The following AGBL4 variants were observed in gnomAD, a reference collection of about 807,000 sequenced individuals.
The protein encoded by AGBL4 is cytosolic carboxypeptidase 6.
AGBL4 carries 58 observed loss-of-function variants against 66.4 expected under a neutral mutation model. That is an observed-to-expected ratio of 0.87 (90% CI 0.71 to 1.09). The LOEUF (loss-of-function observed/expected upper bound fraction) is 1.09. Ranked by LOEUF, AGBL4 falls within the 50% of genes least tolerant of loss-of-function variation. AGBL4 has a pLI of 0.00. For synonymous variants in AGBL4, 234 were observed against 222.9 expected (o/e 1.05, Z -0.44); for missense variants, 579 against 631.0 (o/e 0.92, Z 0.88).
intron 3 of AGBL4, among the ~76,000 whole-genome samples, chr1:49,378,761 C>T (rs1169142651): frequency 6.6e-6 from 1 of 152,104 alleles, no homozygotes; most frequent in Non-Finnish European, 1.5e-5. Context: ...AAAGTTTCAG[C>T]CAGGCCAATG....
chr1:48,647,198 G>A (rs554455543), intron 8 of AGBL4, among the ~76,000 whole-genome samples: 13 of 152,180 alleles, frequency 8.5e-5, no homozygotes, highest in Non-Finnish European at 1.2e-4. Flanking sequence ...CTGCAGTTCC[G>A]TGCTATAACG....
chr1:49,675,544 T>C (rs1646562270), intron 3 of AGBL4, among the ~76,000 whole-genome samples: 1 of 152,028 alleles, frequency 6.6e-6, no homozygotes. Flanking sequence ...CATGTACCCC[T>C]TGAATCCATA....
At chr1:48,635,797 T>C (rs993447495) in intron 8 of AGBL4, among the ~76,000 whole-genome samples, 9 of 152,204 alleles carry the variant, frequency 5.9e-5, no homozygotes, top group African/African-American at 1.9e-4. Context: ...GATGCCTAGA[T>C]ACCAACCATT....
At chr1:49,118,200 C>A (rs188490280) in intron 4 of AGBL4, among the ~76,000 whole-genome samples, 32 of 152,262 alleles carry the variant, frequency 2.1e-4, no homozygotes, top group Non-Finnish European at 4.1e-4. Context: ...TAATTGCATA[C>A]CCTTTATTTC....
Position 49,101,279 on chromosome 1 carries a change from C to T in AGBL4, c.378-55479G>A, listed in dbSNP as rs552912641. 1.3e-4 allele frequency among the ~76,000 whole-genome samples: 20 copies of T among 152,166 alleles called. No homozygotes were observed. The South Asian group carries it at 4.0e-3, about 30-fold the overall frequency. On this transcript the variant is annotated intron_variant, in intron 4 of 13. Coordinates refer to ENST00000371839, the MANE Select transcript of AGBL4 (RefSeq NM_032785.4). ...CTTGGCTCACTGCAACCTCCGCCTC[C>T]CAGGTTCAATCTATTCTTGTGTCTC...
At chr1:48,699,904 T>C (rs914264463) in intron 6 of AGBL4, among the ~76,000 whole-genome samples, 1 of 149,648 alleles carries the variant, frequency 6.7e-6, no homozygotes, top group African/African-American at 2.4e-5. Flanking sequence ...ATTTTTATTT[T>C]ATATACATAC....
At chr1:49,185,599 C>T (rs970353639) in intron 4 of AGBL4, among the ~76,000 whole-genome samples, 2 of 152,194 alleles carry the variant, frequency 1.3e-5, no homozygotes, top group Non-Finnish European at 2.9e-5. Flanking sequence ...GAAACTTGGA[C>T]ATATGTTCTT....
intron 3 of AGBL4, among the ~76,000 whole-genome samples, chr1:49,654,027 T>G (rs958322206): frequency 2.0e-5 from 3 of 152,012 alleles, no homozygotes; most frequent in African/African-American, 7.3e-5. Context: ...AATCATCAGA[T>G]TCTCCAAGAT....
chr1:48,813,962 A>T (rs1646117511), intron 6 of AGBL4, among the ~76,000 whole-genome samples: 1 of 152,030 alleles, frequency 6.6e-6, no homozygotes, highest in African/African-American at 2.4e-5. Flanking sequence ...CCTAGGTAAT[A>T]ATAATAATAA....
In AGBL4 at chr1:49,741,297, C is replaced by A. The variant is rs567456026; in HGVS notation, c.158-43860G>T. On this transcript the variant is annotated intron_variant, in intron 2 of 13. Transcript: ENST00000371839. ...CCTCTACGAAAATGAACTAGAAAAT[C>A]TAGAAGAAATGGATAAATTCCTCAA... Among the ~76,000 whole-genome samples the A allele has an allele frequency of 1.1e-4, 16 of 152,258 alleles. No homozygotes were observed. In the South Asian group the frequency reaches 2.7e-3, roughly 26 times the overall value.
At chr1:49,703,761 G>C (rs1647146978) in intron 2 of AGBL4, among the ~76,000 whole-genome samples, 1 of 151,826 alleles carries the variant, frequency 6.6e-6, no homozygotes, top group Admixed American at 6.6e-5. Context: ...TTAGGAAAGA[G>C]GAAATAATAC....
intron 4 of AGBL4, among the ~76,000 whole-genome samples, chr1:49,213,633 G>A (rs968241687): frequency 1.3e-5 from 2 of 152,094 alleles, no homozygotes; most frequent in Non-Finnish European, 2.9e-5. Context: ...GCAGAATTGT[G>A]AGCCAATTAA....
At chr1:49,655,858 T>C (rs1347601121) in intron 3 of AGBL4, among the ~76,000 whole-genome samples, 1 of 152,026 alleles carries the variant, frequency 6.6e-6, no homozygotes, top group Non-Finnish European at 1.5e-5. Context: ...TAAAAAATCA[T>C]AAAGGGGGTG....
At chr1:48,968,417 A>G (rs1022417411) in intron 5 of AGBL4, among the ~76,000 whole-genome samples, 3 of 152,162 alleles carry the variant, frequency 2.0e-5, no homozygotes, top group Non-Finnish European at 4.4e-5. Flanking sequence ...TGTGTGGGGC[A>G]TAGACTGCAG....
At chr1:49,742,877 C>T (rs1353604609) in intron 2 of AGBL4, among the ~76,000 whole-genome samples, 3 of 152,166 alleles carry the variant, frequency 2.0e-5, no homozygotes, top group Non-Finnish European at 4.4e-5. Context: ...GGATCCCTCT[C>T]TTACACTTTA....
chr1:48,534,889 C>T lies in AGBL4; in HGVS notation c.1391+1G>A. The T allele has an allele frequency of 6.4e-7, 1 of 1,551,414 alleles. No homozygotes were observed. The highest frequency in any genetic ancestry group is 8.7e-7 in the Non-Finnish European group (1 of 1,146,762). On this transcript the variant is annotated splice_donor_variant, in intron 13 of 13. Transcript: ENST00000371839. LOFTEE classifies it high-confidence loss of function. ...AATGTCATCTTGAAGCAGTTCCTTA[C>T]CTTCTCTGGACTTCTATTTCTTTAT...
intron 1 of AGBL4, among the ~76,000 whole-genome samples, chr1:50,021,433 A>G (rs2148453760): frequency 6.6e-6 from 1 of 152,218 alleles, no homozygotes; most frequent in African/African-American, 2.4e-5. Flanking sequence ...TCCTAAAGAT[A>G]CCTCAATCTC....
chr1:49,572,164 T>C (rs1295149191), intron 3 of AGBL4, among the ~76,000 whole-genome samples: 3 of 152,184 alleles, frequency 2.0e-5, no homozygotes, highest in African/African-American at 7.2e-5. Context: ...ATTTTTTGTA[T>C]GTTTGGTAGC....
At position 48,721,407 on chromosome 1, in the gene AGBL4, A is replaced by AAT. The variant is rs1647147426; in HGVS notation, c.635-58167_635-58166insAT. 2.0e-5 allele frequency among the ~76,000 whole-genome samples: 3 copies of AAT among 152,214 alleles called. No homozygotes were observed. In the East Asian group the frequency reaches 5.8e-4, roughly 29 times the overall value. On this transcript the variant is annotated intron_variant, in intron 6 of 13. Coordinates refer to ENST00000371839, the MANE Select transcript of AGBL4 (RefSeq NM_032785.4). ...GGAAATCAATGGCAGGGAACCAAGG[A>AAT]CAATGATGCAGGGAATGCCACCTTG...
Sources: allele counts gnomAD v4.1 joint callset (sites outside exome capture counted in the v4.1 genomes callset), GRCh38; gene constraint gnomAD v4.1.1; transcripts MANE v1.5; gene names NCBI Gene and HGNC (gene_info 2026-07-23, HGNC 2026-07-21).